Variants in LMF1 observed in about 807,000 individuals in gnomAD.
LMF1 encodes the protein lipase maturation factor 1, also known as transmembrane protein 112.
LMF1 carries 68 observed loss-of-function variants against 60.6 expected under a neutral mutation model. The ratio of observed to expected loss-of-function variants is 1.12; its 90% confidence interval spans 0.92 to 1.37. The LOEUF is 1.37. Among genes scored for constraint, LMF1 ranks in the 40% most tolerant of loss-of-function variants. LMF1 has a pLI of 0.00. For synonymous variants in LMF1, 418 were observed against 324.7 expected (o/e 1.29, Z -3.09); for missense variants, 948 against 767.2 (o/e 1.24, Z -2.78).
intron 10 of LMF1, among the ~76,000 whole-genome samples, chr16:861,219 G>C: frequency 6.6e-6 from 1 of 152,066 alleles, no homozygotes; most frequent in East Asian, 1.9e-4. Flanking sequence ...TCGCTTTTTG[G>C]AGTGGTTTTA....
chr16:943,829 C>T (rs1289169351), intron 2 of LMF1, among the ~76,000 whole-genome samples: 1 of 151,134 alleles, frequency 6.6e-6, no homozygotes, highest in East Asian at 1.9e-4. Context: ...GCTATCTTGG[C>T]TATCATGGTC....
intron 4 of LMF1, 49 bp downstream of exon 4, chr16:910,882 G>T (rs1277855894): frequency 6.2e-7 from 1 of 1,607,410 alleles, no homozygotes; most frequent in Non-Finnish European, 8.5e-7. Context: ...TCACAGGTTA[G>T]AAGAGCCACC....
At chr16:882,222 T>C (rs1353749801) in intron 5 of LMF1, among the ~76,000 whole-genome samples, 1 of 152,224 alleles carries the variant, frequency 6.6e-6, no homozygotes, top group Admixed American at 6.5e-5. Flanking sequence ...GGGGCTGACA[T>C]GACCCAATGC....
chr16:938,305 G>A (rs1257198636), intron 2 of LMF1, among the ~76,000 whole-genome samples: 2 of 152,048 alleles, frequency 1.3e-5, no homozygotes, highest in African/African-American at 4.8e-5. Flanking sequence ...ACAGTGGCTT[G>A]CAGGGACAGG....
rs61325853 is a variant in LMF1 at position 978,040 on chromosome 16, TCACACACA to T, written c.-135+3097_-135+3104del. On this transcript the variant is annotated intron_variant, in intron 1 of 6. Transcript: ENST00000570014. The stretch of plus-strand genomic sequence containing the variant: ...ACATCATACACACGCACACCACACA[TCACACACA>T]CACAAACACACCCACACCCTGCACA... 5.9e-3 allele frequency among the ~76,000 whole-genome samples: 681 copies of T among 114,818 alleles called. 25 individuals carry two copies. The highest frequency in any genetic ancestry group is 0.021 in the African/African-American group (632 of 30,182). 75.3% of individuals were successfully genotyped at this position (114,818 alleles called of 152,430 possible).
chr16:871,371 C>CA, intron 6 of LMF1, 30 bp from the exon 7 acceptor site: 1 of 1,606,394 alleles, frequency 6.2e-7, no homozygotes, highest in Non-Finnish European at 8.5e-7. Context: ...GAGTCTCGTG[C>CA]AGGGGCTCGT....
rs1049191190 is a variant in LMF1, at chr16:878,397, T to C, written c.897+1173A>G. On this transcript the variant is annotated intron_variant, in intron 6 of 10. Transcript: ENST00000262301. This position sits in a 1 kb window ranked among gnomAD's most constrained non-coding sequence, Gnocchi z 5.2. Reference sequence around the variant, plus strand: ...GCCCCGGCGGCCAGAGTGAGGGTCCTTGCTGGGGGGAGGGGTCAAGAACAG... The same window carrying C: ...GCCCCGGCGGCCAGAGTGAGGGTCCCTGCTGGGGGGAGGGGTCAAGAACAG... Among the ~76,000 whole-genome samples, 2 of 152,090 alleles carry C rather than the reference T, an allele frequency of 1.3e-5. No individual in the cohort carries two copies. Among genetic ancestry groups the C allele is most frequent in the African/African-American group, 4.8e-5 (2 of 41,400 alleles).
chr16:879,581 T>C lies in LMF1; in HGVS notation c.886A>G (p.Ile296Val). The C allele has an allele frequency of 1.2e-6, 2 of 1,612,938 alleles. No homozygotes were observed. Among genetic ancestry groups the C allele is most frequent in the Non-Finnish European group, 1.7e-6 (2 of 1,179,694 alleles). Residue 296 changes from isoleucine to valine, a missense_variant, in exon 6 of 11, where the codon ATC (isoleucine) becomes GTC (valine). Ile to Val is a conservative substitution (Grantham distance 29). Coordinates refer to ENST00000262301, the MANE Select transcript of LMF1 (RefSeq NM_022773.4). ...CGGCGCGGGCTCACCTGGAACAGGA[T>C]CTGCAGCACCCCGTGGATGATGCAC... ...RACIIHGVLQ[I>V]LFQAVLIVSG...
intron 4 of LMF1, chr16:900,674 A>G (rs1415178652): frequency 8.1e-6 from 1 of 123,920 alleles, no homozygotes; most frequent in Non-Finnish European, 1.7e-5. Context: ...CATACCTGCT[A>G]ATTTTTATGT....
chr16:981,177 GCTGGGC>G, exon 1 of LMF1: 5 of 454,890 alleles, frequency 1.1e-5, no homozygotes, highest in South Asian at 7.8e-5. Context: ...CTCTGGACGA[GCTGGGC>G]CTGGGCGCTG....
At chr16:860,540 C>T (rs2069430635) in intron 10 of LMF1, among the ~76,000 whole-genome samples, 1 of 152,002 alleles carries the variant, frequency 6.6e-6, no homozygotes, top group Non-Finnish European at 1.5e-5. Flanking sequence ...GGGGTTTTGC[C>T]ACGTTGCTCA....
chr16:893,256 T>A lies in LMF1; in HGVS notation c.664-184A>T, dbSNP rs1268648280. 4 of 685,324 alleles carry A rather than the reference T, an allele frequency of 5.8e-6. No homozygotes were observed. In the East Asian group the frequency reaches 1.1e-4, roughly 19 times the overall value. The allele number at this position is 685,324 out of a possible 1,614,324, so 42.5% of individuals were successfully genotyped here. On this transcript the variant is annotated intron_variant, in intron 4 of 10. Coordinates refer to ENST00000262301, the MANE Select transcript of LMF1 (RefSeq NM_022773.4). ...AAGGCAGAATTTGAGAAGGGCAGATTCAGGGCTGCTTTGAGGACAGGAGTT... is the reference window on the plus strand; with the variant it reads ...AAGGCAGAATTTGAGAAGGGCAGATACAGGGCTGCTTTGAGGACAGGAGTT...
Position 897,148 on chromosome 16 carries a change from G to A in LMF1, c.664-4076C>T, listed in dbSNP as rs1307150934. On this transcript the variant is annotated intron_variant, in intron 4 of 10. Coordinates refer to ENST00000262301, the MANE Select transcript of LMF1 (RefSeq NM_022773.4). This position sits in a 1 kb window ranked among gnomAD's most constrained non-coding sequence, Gnocchi z 4.3. ...TGTTCCCGCCTTGCAACGTGTGGCT[G>A]CAGCAGCTCTTCTCCTGATGCCTGT... Among the ~76,000 whole-genome samples, 1 of 152,254 alleles carries A rather than the reference G, an allele frequency of 6.6e-6. No homozygotes were observed. Among genetic ancestry groups the A allele is most frequent in the Admixed American group, 6.5e-5 (1 of 15,286 alleles).
intron 10 of LMF1, among the ~76,000 whole-genome samples, chr16:858,984 T>A (rs1271609279): frequency 2.4e-5 from 2 of 84,372 alleles, no homozygotes; most frequent in African/African-American, 1.5e-4. Context: ...ACGGGACGGG[T>A]GTGCAGTGGT....
Position 853,700 on chromosome 16 carries a change from G to A in LMF1, c.*832C>T, listed in dbSNP as rs778324440. On this transcript the variant is annotated 3_prime_UTR_variant, in exon 11 of 11. Transcript: ENST00000262301. ...AGAATATGCCATAGCTATGGCTCAA[G>A]AATAGGAATAAGAAAAATGTGCAGT... 1.3e-5 allele frequency: 6 copies of A among 454,154 alleles called. No homozygotes were observed. The highest frequency in any genetic ancestry group is 9.3e-5 in the South Asian group (6 of 64,484). The allele number at this position is 454,154 out of a possible 1,614,324, so 28.1% of individuals were successfully genotyped here. A position where few individuals can be genotyped will look rare whatever the true frequency, so the allele number is the denominator to read the frequency against.
chr16:867,297 A>C (rs1023534905), intron 10 of LMF1, among the ~76,000 whole-genome samples: 1 of 152,216 alleles, frequency 6.6e-6, no homozygotes. Context: ...AGCTGCTCTG[A>C]CATGATTACT....
intron 3 of LMF1, among the ~76,000 whole-genome samples, chr16:915,951 C>T (rs184096989): frequency 2.2e-4 from 33 of 152,080 alleles, no homozygotes; most frequent in African/African-American, 8.0e-4. Context: ...GCTGCCTGGC[C>T]ACCAGTGAGG....
intron 1 of LMF1, among the ~76,000 whole-genome samples, chr16:966,469 G>A (rs1239745240): frequency 6.6e-6 from 1 of 152,240 alleles, no homozygotes; most frequent in East Asian, 1.9e-4. Context: ...CCCACGAAAA[G>A]TGCCACACAT....
intron 10 of LMF1, among the ~76,000 whole-genome samples, chr16:859,216 G>A (rs1206761829): frequency 1.6e-5 from 2 of 128,520 alleles, no homozygotes; most frequent in South Asian, 2.5e-4. Context: ...GTCTCGGGAC[G>A]GGTGTGCAGT....
Sources: allele counts gnomAD v4.1 joint callset (sites outside exome capture counted in the v4.1 genomes callset), GRCh38; gene constraint gnomAD v4.1.1; non-coding constraint Gnocchi (gnomAD v3.1); transcripts MANE v1.5; gene names NCBI Gene and HGNC (gene_info 2026-07-23, HGNC 2026-07-21).